SDK1: variants seen among roughly 807,000 people sequenced by gnomAD.
SDK1 encodes the protein sidekick cell adhesion molecule 1, also known as protein sidekick-1.
SDK1 carries 157 observed loss-of-function variants against 245.5 expected under a neutral mutation model. The ratio of observed to expected loss-of-function variants is 0.64; its 90% CI spans 0.56 to 0.73. The LOEUF (loss-of-function observed/expected upper bound fraction) is 0.73. Ranked by LOEUF, SDK1 falls within the 30% of genes least tolerant of loss-of-function variation. The pLI, the probability that SDK1 is intolerant of heterozygous loss-of-function variation, is 0.00. For synonymous variants in SDK1, 1,647 were observed against 1,278.5 expected (o/e 1.29, Z -6.15); for missense variants, 3,583 against 3,002.3 (o/e 1.19, Z -4.52).
At position 3,583,385 on chromosome 7, in the gene SDK1, T is replaced by C. The variant is rs548017709; in HGVS notation, c.299-35695T>C. Among the ~76,000 whole-genome samples the C allele has an allele frequency of 5.3e-5, 8 of 152,334 alleles. 1 individual carries two copies. The South Asian group carries it at 8.3e-4, about 16-fold the overall frequency. On this transcript the variant is annotated intron_variant, in intron 1 of 44. Coordinates refer to ENST00000404826, the MANE Select transcript of SDK1 (RefSeq NM_152744.4). ...TTAAAGGTGAGTGATTCATAAAGGA[T>C]ATTTTATTTACCTTGAACTCAGCTT...
At chr7:4,056,080 A>ATT (rs1194396281) in intron 19 of SDK1, among the ~76,000 whole-genome samples, 1 of 151,466 alleles carries the variant, frequency 6.6e-6, no homozygotes, top group East Asian at 1.9e-4. Flanking sequence ...TCAATGAATG[A>ATT]TTTTTTAAAA....
At chr7:3,943,463 C>T (rs1780451668) in intron 5 of SDK1, among the ~76,000 whole-genome samples, 2 of 149,008 alleles carry the variant, frequency 1.3e-5, no homozygotes, top group Admixed American at 6.7e-5. Flanking sequence ...GCCTGGAAAG[C>T]TGTGTGCCCA....
intron 5 of SDK1, among the ~76,000 whole-genome samples, chr7:3,910,562 C>T (rs1007252718): frequency 1.8e-4 from 28 of 152,294 alleles, no homozygotes; most frequent in African/African-American, 6.5e-4. Context: ...CGCTACCATC[C>T]TAGTCTGAAG....
At chr7:3,431,893 G>A (rs1362109000) in intron 1 of SDK1, among the ~76,000 whole-genome samples, 2 of 151,750 alleles carry the variant, frequency 1.3e-5, no homozygotes, top group Admixed American at 6.6e-5. Flanking sequence ...TGAAGCCTGC[G>A]GTTTATAAAA....
chr7:3,307,859 C>G (rs1347536890), intron 1 of SDK1, among the ~76,000 whole-genome samples: 1 of 152,130 alleles, frequency 6.6e-6, no homozygotes, highest in Non-Finnish European at 1.5e-5. Context: ...CAGAATTGTT[C>G]TACTCTGATT....
intron 4 of SDK1, among the ~76,000 whole-genome samples, chr7:3,752,288 G>A (rs1779797037): frequency 6.6e-6 from 1 of 152,070 alleles, no homozygotes; most frequent in Admixed American, 6.6e-5. Context: ...GGACTTCAAA[G>A]ACCCCTTTCT....
At chr7:4,124,433 T>C (rs1784252618) in intron 25 of SDK1, among the ~76,000 whole-genome samples, 1 of 152,124 alleles carries the variant, frequency 6.6e-6, no homozygotes, top group Non-Finnish European at 1.5e-5. Flanking sequence ...TCCCTGTGTG[T>C]GTCTGTCTCC....
intron 1 of SDK1, among the ~76,000 whole-genome samples, chr7:3,524,692 T>G (rs1366999064): frequency 1.3e-5 from 2 of 152,156 alleles, no homozygotes; most frequent in Non-Finnish European, 2.9e-5. Context: ...TAGTCAACGT[T>G]AGGAGCTCAC....
At chr7:4,115,923 C>T (rs929530675) in intron 25 of SDK1, among the ~76,000 whole-genome samples, 4 of 152,180 alleles carry the variant, frequency 2.6e-5, no homozygotes, top group South Asian at 2.1e-4. Context: ...AAGCCAAGTG[C>T]GTGACGGGTA....
intron 19 of SDK1, among the ~76,000 whole-genome samples, chr7:4,056,763 C>T (rs1779230004): frequency 6.6e-6 from 1 of 152,282 alleles, no homozygotes; most frequent in Admixed American, 6.5e-5. Context: ...AGCTACTATG[C>T]AGTGCTGCTC....
chr7:3,956,487 G>A (rs1027779533), intron 7 of SDK1, among the ~76,000 whole-genome samples: 9 of 152,294 alleles, frequency 5.9e-5, no homozygotes, highest in Admixed American at 2.0e-4. Flanking sequence ...CAGAGGCCAC[G>A]CAGGGCATGG....
intron 25 of SDK1, among the ~76,000 whole-genome samples, chr7:4,119,339 C>T (rs985620948): frequency 6.8e-6 from 1 of 147,964 alleles, no homozygotes; most frequent in Non-Finnish European, 1.5e-5. Flanking sequence ...CCTGTAGTCC[C>T]AGCTACTTGG....
At chr7:3,821,409 C>T in intron 4 of SDK1, 41 bp from the exon 5 acceptor site, 1 of 1,584,044 alleles carries the variant, frequency 6.3e-7, no homozygotes, top group East Asian at 2.3e-5. Context: ...AGGAAGTTCC[C>T]TGGAGTAGCT....
At chr7:4,154,563 G>A (rs1279199020) in intron 30 of SDK1, among the ~76,000 whole-genome samples, 2 of 152,196 alleles carry the variant, frequency 1.3e-5, no homozygotes, top group East Asian at 3.9e-4. Context: ...GCCAGAGAAA[G>A]CTTTCGGGAA....
At chr7:3,951,582 T>C (rs917687406) in intron 6 of SDK1, 148 bp from the exon 7 acceptor site, 5 of 647,272 alleles carry the variant, frequency 7.7e-6, no homozygotes, top group Admixed American at 2.7e-5. Context: ...GAGTTACATC[T>C]AGATTGAGTT....
At chr7:3,317,006 C>G (rs1394085200) in intron 1 of SDK1, among the ~76,000 whole-genome samples, 2 of 151,228 alleles carry the variant, frequency 1.3e-5, no homozygotes, top group African/African-American at 4.9e-5. Context: ...ATGGCAATAC[C>G]CTGTCTCTAC....
chr7:3,947,071 C>G (rs115069659), intron 5 of SDK1, among the ~76,000 whole-genome samples: 153 of 152,308 alleles, frequency 1.0e-3, no homozygotes, highest in African/African-American at 3.6e-3. Context: ...CCTCTTCACA[C>G]ATCCTTCTCA....
intron 1 of SDK1, among the ~76,000 whole-genome samples, chr7:3,346,807 G>GTGTGTGTATA (rs796252256): frequency 1.2e-4 from 5 of 42,252 alleles, no homozygotes; most frequent in African/African-American, 5.1e-4. Flanking sequence ...GTGTGTGTGT[G>GTGTGTGTATA]TATATATATA....
intron 5 of SDK1, among the ~76,000 whole-genome samples, chr7:3,831,955 G>T (rs1370326196): frequency 6.6e-6 from 1 of 152,060 alleles, no homozygotes; most frequent in Non-Finnish European, 1.5e-5. Flanking sequence ...GAAGGGTGAG[G>T]TAGGAGGATC....
Sources: gnomAD v4.1 joint callset for allele counts (sites outside exome capture counted in the v4.1 genomes callset) on GRCh38, gnomAD v4.1.1 for gene constraint, MANE v1.5 for transcripts, NCBI Gene and HGNC (gene_info 2026-07-23, HGNC 2026-07-21) for gene names.